The following ABCA1 variants were observed in gnomAD, a reference collection of about 807,000 sequenced individuals.
ABCA1 encodes ATP binding cassette subfamily A member 1, also known as phospholipid-transporting ATPase ABCA1.
A neutral mutation model predicts 262.5 loss-of-function variants in ABCA1; 133 were observed. The observed-to-expected ratio is 0.51, with a 90% CI of 0.44 to 0.59. ABCA1 has a LOEUF of 0.59. Ranked by LOEUF, ABCA1 falls within the 20% of genes least tolerant of loss-of-function variation. The pLI is 0.00. For synonymous variants in ABCA1, 1,022 were observed against 1,043.5 expected, an observed-to-expected ratio of 0.98 and a Z score of 0.40; for missense variants, 2,452 against 2,777.5, an observed-to-expected ratio of 0.88 and a Z score of 2.63.
Position 104,802,068 on chromosome 9 carries a change from G to A in ABCA1, c.4684C>T (p.Leu1562=). 1 of 1,614,106 alleles carries A rather than the reference G, an allele frequency of 6.2e-7. No homozygotes were observed. Among genetic ancestry groups the A allele is most frequent in the Non-Finnish European group, 8.5e-7 (1 of 1,179,986 alleles). ...NDAIKQMKKH[L]KLAKDSSADR... ...AGATATTTTACCTTGGCCAGCTTTA[G>A]GTGTTTCTTCATTTGTTTGATGGCA... Residue 1562 remains leucine (L), a synonymous_variant, in exon 34 of 50, where the codon CTA becomes TTA. Transcript: ENST00000374736.
At chr9:104,797,075 T>C (rs1487609998) in intron 37 of ABCA1, among the ~76,000 whole-genome samples, 1 of 152,168 alleles carries the variant, frequency 6.6e-6, no homozygotes, top group African/African-American at 2.4e-5. Context: ...CCAATCCTAC[T>C]TGATGTGTTT....
Position 104,781,450 on chromosome 9 carries a change from T to G in ABCA1, c.*2865A>C, listed in dbSNP as rs984411120. Reference sequence around the variant, plus strand: ...ACAAATTAATGTCTCAATATCAAAGTGGTTCAGTATTACATGACACATGGC... The same window carrying G: ...ACAAATTAATGTCTCAATATCAAAGGGGTTCAGTATTACATGACACATGGC... On this transcript the variant is annotated 3_prime_UTR_variant, in exon 50 of 50. Transcript: ENST00000374736. 3 of 152,558 alleles carry G rather than the reference T, an allele frequency of 2.0e-5. No individual in the cohort carries two copies. Among genetic ancestry groups the G allele is most frequent in the Admixed American group, 6.5e-5 (1 of 15,282 alleles). The allele number at this position is 152,558 out of a possible 1,614,324, so 9.5% of individuals were successfully genotyped here.
intron 5 of ABCA1, among the ~76,000 whole-genome samples, chr9:104,868,515 G>A (rs1177681136): frequency 6.6e-6 from 1 of 152,194 alleles, no homozygotes; most frequent in African/African-American, 2.4e-5. Context: ...AGGATGCGGA[G>A]CTGGGCTACT....
At chr9:104,790,774 G>C (rs1023543215) in intron 44 of ABCA1, 148 bp downstream of exon 44, 3 of 608,286 alleles carry the variant, frequency 4.9e-6, no homozygotes, top group Non-Finnish European at 8.7e-6. Flanking sequence ...AATCATGGAT[G>C]ATTTTATGTG....
In ABCA1 at chr9:104,798,534, C is replaced by T. The variant is rs1203589782; in HGVS notation, c.5008G>A (p.Ala1670Thr). 1 of 1,614,008 alleles carries T rather than the reference C, an allele frequency of 6.2e-7. No homozygotes were observed. The highest frequency in any genetic ancestry group is 1.7e-5 in the Admixed American group (1 of 60,000). The change falls in exon 37 of 50, where the codon GCC becomes ACC. Residue 1670 changes from alanine to threonine, a missense_variant. Physicochemically the swap from Ala to Thr is moderately conservative, Grantham distance 58. This residue lies in a region of ABCA1 where 752 missense variants were observed against 944.5 expected (regional missense o/e 0.80). Coordinates refer to ENST00000374736, the MANE Select transcript of ABCA1 (RefSeq NM_005502.4). ...TGGATCAGGAATACGACAAAGCTGG[C>T]TGGGACGAAGGACATTGCAAAGATG... The part of the protein sequence containing the change: ...CVIFAMSFVP[A>T]SFVVFLIQER...
intron 4 of ABCA1, 23 bp downstream of exon 4, chr9:104,884,404 A>T: frequency 6.2e-7 from 1 of 1,614,180 alleles, no homozygotes. Flanking sequence ...AAGTTTGGAA[A>T]GAAAACCTGA....
chr9:104,916,558 T>C (rs1179014043), intron 1 of ABCA1, among the ~76,000 whole-genome samples: 4 of 152,256 alleles, frequency 2.6e-5, no homozygotes, highest in Non-Finnish European at 5.9e-5. Context: ...AATTCTGGTA[T>C]AGTATGAAGA....
chr9:104,823,671 A>G (rs1177738698), intron 18 of ABCA1, among the ~76,000 whole-genome samples: 2 of 152,108 alleles, frequency 1.3e-5, no homozygotes, highest in African/African-American at 4.8e-5. Flanking sequence ...AGTTAGAGAG[A>G]AAGTTCTCCT....
intron 7 of ABCA1, among the ~76,000 whole-genome samples, chr9:104,847,205 A>G (rs918359858): frequency 2.0e-5 from 3 of 152,154 alleles, no homozygotes; most frequent in Non-Finnish European, 4.4e-5. Flanking sequence ...CAATGGAAAT[A>G]AGATTGTTAG....
At chr9:104,886,788 G>A (rs896260582) in intron 3 of ABCA1, among the ~76,000 whole-genome samples, 2 of 152,154 alleles carry the variant, frequency 1.3e-5, no homozygotes, top group Non-Finnish European at 2.9e-5. Flanking sequence ...ATAATATAAT[G>A]GGCTCTCAGG....
chr9:104,915,072 C>T lies in ABCA1; in HGVS notation c.-92-11301G>A, dbSNP rs115896485. On this transcript the variant is annotated intron_variant, in intron 1 of 49. Coordinates refer to ENST00000374736, the MANE Select transcript of ABCA1 (RefSeq NM_005502.4). ...TCTAAACCCATAGATAGGCTCAAGT[C>T]AGGAACTCAGGGAGCCTATAAACAC... is the stretch of plus-strand genomic sequence containing the variant. 9.9e-3 allele frequency among the ~76,000 whole-genome samples: 1,514 copies of T among 152,304 alleles called. 22 individuals carry two copies. Among genetic ancestry groups the T allele is most frequent in the African/African-American group, 0.035 (1,443 of 41,556 alleles).
rs374916151 is a variant in ABCA1, at chr9:104,826,664, C to T, written c.2337+284G>A. ...ATGGCATCTGTTGCCTGAAGCCATT[C>T]CTCAATGCCATTTATCCCCAGCCCA... On this transcript the variant is annotated intron_variant, in intron 16 of 49. Transcript: ENST00000374736. 9.8e-5 allele frequency among the ~76,000 whole-genome samples: 15 copies of T among 152,328 alleles called. No homozygotes were observed. The South Asian group carries it at 2.9e-3, about 29-fold the overall frequency.
At chr9:104,912,586 C>A (rs1445650637) in intron 1 of ABCA1, among the ~76,000 whole-genome samples, 1 of 152,098 alleles carries the variant, frequency 6.6e-6, no homozygotes, top group Non-Finnish European at 1.5e-5. Flanking sequence ...CTGTCCTGTA[C>A]CCCAAGTCCT....
intron 7 of ABCA1, chr9:104,855,846 G>C (rs1022750752): frequency 1.2e-6 from 2 of 1,611,338 alleles, no homozygotes; most frequent in Middle Eastern, 1.6e-4. Flanking sequence ...AGATTCTGAA[G>C]GAGGCCCAGG....
At position 104,889,157 on chromosome 9, in the gene ABCA1, GATAA is replaced by G. The variant is rs769323757; in HGVS notation, c.101_104del (p.Phe34SerfsTer3). ...GCCGAACAGAGATCAGGATCAGGAA[GATAA>G]ATAGAGGCCAGGCCACTTCCAGCAG... is the stretch of plus-strand genomic sequence containing the variant. On this transcript the variant is annotated frameshift_variant, in exon 3 of 50. Transcript: ENST00000374736. LOFTEE classifies it high-confidence loss of function. 1.2e-6 allele frequency: 2 copies of G among 1,614,208 alleles called. No homozygotes were observed. Among genetic ancestry groups the G allele is most frequent in the South Asian group, 1.1e-5 (1 of 91,084 alleles).
intron 5 of ABCA1, among the ~76,000 whole-genome samples, chr9:104,879,095 G>C (rs111576040): frequency 1.3e-5 from 2 of 151,220 alleles, no homozygotes; most frequent in African/African-American, 4.9e-5. Context: ...AGAAAGAAAA[G>C]AAAAGAAAAA....
intron 5 of ABCA1, among the ~76,000 whole-genome samples, chr9:104,876,774 G>A (rs753394065): frequency 1.6e-4 from 25 of 152,278 alleles, no homozygotes; most frequent in Middle Eastern, 3.4e-3. Flanking sequence ...CCAGAGAGGG[G>A]GCACAGCGAT....
In ABCA1 at chr9:104,781,434, T is replaced by G. The variant is rs372860453; in HGVS notation, c.*2881A>C. On this transcript the variant is annotated 3_prime_UTR_variant, in exon 50 of 50. Transcript: ENST00000374736. ...AGATAATAACAAGGGTACAAATTAATGTCTCAATATCAAAGTGGTTCAGTA... is the reference window on the plus strand; with the variant it reads ...AGATAATAACAAGGGTACAAATTAAGGTCTCAATATCAAAGTGGTTCAGTA... The G allele has an allele frequency of 6.6e-6, 1 of 152,596 alleles. No homozygotes were observed. Among genetic ancestry groups the G allele is most frequent in the Non-Finnish European group, 1.5e-5 (1 of 68,010 alleles). The allele number at this position is 152,596 out of a possible 1,614,324, so 9.5% of individuals were successfully genotyped here.
intron 48 of ABCA1, among the ~76,000 whole-genome samples, 191 bp downstream of exon 48, chr9:104,786,107 G>C (rs1227299272): frequency 6.6e-6 from 1 of 152,220 alleles, no homozygotes; most frequent in African/African-American, 2.4e-5. Context: ...TTGCCCAAGA[G>C]TCACAGAACC....
Sources: allele counts gnomAD v4.1 joint callset (sites outside exome capture counted in the v4.1 genomes callset), GRCh38; gene constraint gnomAD v4.1.1; regional missense constraint gnomAD v4.1.1; transcripts MANE v1.5; gene names NCBI Gene and HGNC (gene_info 2026-07-23, HGNC 2026-07-21).